IL6ST: variants seen among roughly 807,000 people sequenced by gnomAD.
The protein encoded by IL6ST is interleukin-6 receptor subunit beta.
In IL6ST, 24 loss-of-function variants were observed where a neutral mutation model predicts 91.3. The observed-to-expected ratio is 0.26, with a 90% CI of 0.19 to 0.37. The LOEUF (loss-of-function observed/expected upper bound fraction) is 0.37. Among genes scored for constraint, IL6ST ranks in the 10% least tolerant of loss-of-function variants. The pLI is 1.00. For synonymous variants in IL6ST, 351 were observed against 373.6 expected, an observed-to-expected ratio of 0.94 and a Z score of 0.70; for missense variants, 914 against 1,078.5, an observed-to-expected ratio of 0.85 and a Z score of 2.14.
At position 55,964,134 on chromosome 5, in the gene IL6ST, G is replaced by A. The variant is rs1404964915; in HGVS notation, c.658+12C>T. On this transcript the variant is annotated intron_variant, in intron 6 of 16. Transcript: ENST00000381298. The stretch of plus-strand genomic sequence containing the variant: ...GTGTCAAATAAACTCTCAAATTCAG[G>A]TTTATAACTACCTTTATATACAGGA... The A allele has an allele frequency of 1.3e-6, 2 of 1,493,026 alleles. No individual in the cohort carries two copies. The highest frequency in any genetic ancestry group is 1.8e-6 in the Non-Finnish European group (2 of 1,099,358). 92.5% of individuals were successfully genotyped at this position (1,493,026 alleles called of 1,614,324 possible).
rs1378966764 is a variant in IL6ST, at chr5:55,968,460, T to C, written c.371-64A>G. The C allele has an allele frequency of 5.4e-6, 8 of 1,477,352 alleles. No homozygotes were observed. The African/African-American group carries it at 7.1e-5, about 13-fold the overall frequency. 91.5% of individuals were successfully genotyped at this position (1,477,352 alleles called of 1,614,324 possible). ...ATCCACAAATATTATGCAATTTATA[T>C]ACTACCCAAGGCATTTGCGATCTAA... On this transcript the variant is annotated intron_variant, in intron 4 of 16. Coordinates refer to ENST00000381298, the MANE Select transcript of IL6ST (RefSeq NM_002184.4).
At chr5:55,945,305 T>C (rs556181898) in intron 15 of IL6ST, among the ~76,000 whole-genome samples, 6 of 152,248 alleles carry the variant, frequency 3.9e-5, no homozygotes, top group Non-Finnish European at 7.4e-5. Context: ...CGGACATATA[T>C]ACATTTATGA....
intron 3 of IL6ST, among the ~76,000 whole-genome samples, 187 bp from the exon 4 acceptor site, chr5:55,970,042 T>C (rs1020690088): frequency 6.6e-6 from 1 of 152,086 alleles, no homozygotes; most frequent in African/African-American, 2.4e-5. Flanking sequence ...TGTAAAGAAA[T>C]ATACAAATTA....
intron 8 of IL6ST, 123 bp from the exon 9 acceptor site, chr5:55,957,414 C>T: frequency 2.0e-6 from 1 of 495,132 alleles, no homozygotes; most frequent in Non-Finnish European, 3.6e-6. Flanking sequence ...GTCTCTACCT[C>T]TTTATACCAG....
At chr5:55,989,635 A>G (rs559890335) in intron 1 of IL6ST, among the ~76,000 whole-genome samples, 22 of 152,300 alleles carry the variant, frequency 1.4e-4, no homozygotes, top group Admixed American at 1.2e-3. Flanking sequence ...GCTTTTATTC[A>G]ATTTTTATTC....
At chr5:55,994,307 T>G (rs1754513820) in intron 1 of IL6ST, 1 of 152,058 alleles carries the variant, frequency 6.6e-6, no homozygotes, top group African/African-American at 2.4e-5. Context: ...GAAAGAAACG[T>G]TAATAGTGTT....
rs1167635507 is a variant in IL6ST, at chr5:55,956,236, CTG to C, written c.1057-3_1057-2del. The C allele has an allele frequency of 6.5e-7, 1 of 1,533,638 alleles. No homozygotes were observed. Among genetic ancestry groups the C allele is most frequent in the Non-Finnish European group, 9.0e-7 (1 of 1,109,142 alleles). On this transcript the variant is annotated splice_acceptor_variant and splice_polypyrimidine_tract_variant and intron_variant, in intron 9 of 16. Coordinates refer to ENST00000381298, the MANE Select transcript of IL6ST (RefSeq NM_002184.4). LOFTEE classifies it high-confidence loss of function. ...CATTGGCTTCAAAAGGAGGCAATGT[CTG>C]TAATAAAATAGTTTATTTTTAAAAA...
At chr5:55,948,718 T>C (rs1030612370) in intron 14 of IL6ST, among the ~76,000 whole-genome samples, 1 of 152,174 alleles carries the variant, frequency 6.6e-6, no homozygotes, top group Non-Finnish European at 1.5e-5. Flanking sequence ...GCCTGTGCCT[T>C]TGCTCATGCT....
intron 3 of IL6ST, among the ~76,000 whole-genome samples, chr5:55,972,755 A>G (rs1753034509): frequency 6.6e-6 from 1 of 152,214 alleles, no homozygotes; most frequent in South Asian, 2.1e-4. Flanking sequence ...CTGTAATCCC[A>G]GCACTTTGGG....
chr5:55,960,606 G>A (rs1368632238), intron 7 of IL6ST, 45 bp from the exon 8 acceptor site: 2 of 1,566,746 alleles, frequency 1.3e-6, no homozygotes, highest in African/African-American at 1.4e-5. Flanking sequence ...AATTAGTAAG[G>A]TCTTCTAAAT....
Position 55,941,424 on chromosome 5 carries a change from A to C in IL6ST, c.2415T>G (p.Gly805=), listed in dbSNP as rs751783742. Residue 805 remains glycine (G), a synonymous_variant, in exon 17 of 17, where the codon GGT becomes GGG. Coordinates refer to ENST00000381298, the MANE Select transcript of IL6ST (RefSeq NM_002184.4). ...ACTGTTGCCTGGGCAAAATACCATC[A>C]CCGCCATCTACATGATCTACTAATT... ...DLQLVDHVDG[G]DGILPRQQYF... The C allele has an allele frequency of 1.9e-6, 3 of 1,614,122 alleles. No individual in the cohort carries two copies. Among genetic ancestry groups the C allele is most frequent in the Non-Finnish European group, 2.5e-6 (3 of 1,180,004 alleles).
chr5:55,947,632 A>G, intron 14 of IL6ST, 43 bp from the exon 15 acceptor site: 1 of 1,161,888 alleles, frequency 8.6e-7, no homozygotes, highest in African/African-American at 1.6e-5. Context: ...TGTGATGGGA[A>G]ATAATGTTGA....
chr5:55,935,228 A>T lies in IL6ST; in HGVS notation c.*5854T>A. On this transcript the variant is annotated 3_prime_UTR_variant, in exon 17 of 17. Transcript: ENST00000381298. ...AATAAAAAGCCATTTAAGTGAGGGGATAATTCTCACTAAAAAAAGCTCAAA... is the reference window on the plus strand; with the variant it reads ...AATAAAAAGCCATTTAAGTGAGGGGTTAATTCTCACTAAAAAAAGCTCAAA... The T allele has an allele frequency of 5.5e-6, 1 of 182,838 alleles. No homozygotes were observed. The highest frequency in any genetic ancestry group is 8.9e-5 in the East Asian group (1 of 11,188). 11.3% of individuals were successfully genotyped at this position (182,838 alleles called of 1,614,324 possible).
chr5:55,972,009 A>G (rs1370871731), intron 3 of IL6ST, among the ~76,000 whole-genome samples: 1 of 152,190 alleles, frequency 6.6e-6, no homozygotes, highest in Non-Finnish European at 1.5e-5. Context: ...CATCCAGTGG[A>G]GAATCTCTAC....
At position 55,946,191 on chromosome 5, in the gene IL6ST, A is replaced by G. The variant is rs1191081504; in HGVS notation, c.1937+1302T>C. Reference sequence around the variant, plus strand: ...ATGAAAATTAAAACGATATAGTACTACACACCCACTAGAATGAAAGAAGTC... The same window carrying G: ...ATGAAAATTAAAACGATATAGTACTGCACACCCACTAGAATGAAAGAAGTC... On this transcript the variant is annotated intron_variant, in intron 15 of 16. Coordinates refer to ENST00000381298, the MANE Select transcript of IL6ST (RefSeq NM_002184.4). Among the ~76,000 whole-genome samples, 5 of 152,356 alleles carry G rather than the reference A, an allele frequency of 3.3e-5. No homozygotes were observed. In the East Asian group the frequency reaches 9.6e-4, roughly 29 times the overall value.
chr5:55,950,870 G>C (rs1265705333), intron 14 of IL6ST, among the ~76,000 whole-genome samples: 1 of 151,790 alleles, frequency 6.6e-6, no homozygotes, highest in Non-Finnish European at 1.5e-5. Context: ...GATCACTTGA[G>C]CCCAGGAGGT....
chr5:55,942,706 A>T lies in IL6ST; in HGVS notation c.1983T>A (p.Ser661Arg). The T allele has an allele frequency of 6.2e-7, 1 of 1,609,306 alleles. No individual in the cohort carries two copies. Among genetic ancestry groups the T allele is most frequent in the Non-Finnish European group, 8.5e-7 (1 of 1,176,926 alleles). The part of the protein sequence containing the change: ...IWPNVPDPSK[S>R]HIAQWSPHTP... ...TGTGAGGTGACCACTGGGCAATATGACTCTTTGAAGGATCTGGAACATTAG... is the reference window on the plus strand; with the variant it reads ...TGTGAGGTGACCACTGGGCAATATGTCTCTTTGAAGGATCTGGAACATTAG... The change falls in exon 16 of 17, where the codon AGT becomes AGA. Residue 661 changes from serine to arginine, a missense_variant. Ser to Arg is a moderately radical substitution (Grantham distance 110). Coordinates refer to ENST00000381298, the MANE Select transcript of IL6ST (RefSeq NM_002184.4).
At chr5:55,963,287 G>A in intron 7 of IL6ST, 65 bp downstream of exon 7, 7 of 1,172,382 alleles carry the variant, frequency 6.0e-6, no homozygotes, top group Middle Eastern at 2.8e-4. Context: ...GAAAATGACT[G>A]AAACTTTTTA....
intron 1 of IL6ST, among the ~76,000 whole-genome samples, chr5:55,986,494 C>T (rs1753978846): frequency 1.3e-5 from 2 of 152,076 alleles, no homozygotes; most frequent in South Asian, 4.2e-4. Flanking sequence ...AGGGGGTAGG[C>T]AGCATGTGGT....
Sources: allele counts gnomAD v4.1 joint callset (sites outside exome capture counted in the v4.1 genomes callset), GRCh38; gene constraint gnomAD v4.1.1; transcripts MANE v1.5; gene names NCBI Gene and HGNC (gene_info 2026-07-23, HGNC 2026-07-21).